AHNAK: variants seen among roughly 807,000 people sequenced by gnomAD.
AHNAK encodes the protein neuroblast differentiation-associated protein AHNAK.
Under a neutral mutation model 37.8 loss-of-function variants are expected in AHNAK, and 23 were observed. That is an observed-to-expected ratio of 0.61 (90% confidence interval 0.44 to 0.86). The LOEUF is 0.86. AHNAK is among the 40% of genes least tolerant of loss of function. The pLI, the probability that AHNAK is intolerant of heterozygous loss-of-function variation, is 0.00. For synonymous variants in AHNAK, 2,481 were observed against 2,636.3 expected (o/e 0.94, Z 1.80); for missense variants, 7,411 against 7,319.4 (o/e 1.01, Z -0.46).
chr11:62,528,785 G>A lies in AHNAK; in HGVS notation c.5632C>T (p.Pro1878Ser), dbSNP rs772195119. ...CCTGTTAAATCTCCCTCCAATTTTGGCACCGACACATCCGCATCCCCTTTG... is the reference window on the plus strand; with the variant it reads ...CCTGTTAAATCTCCCTCCAATTTTGACACCGACACATCCGCATCCCCTTTG... ...KVKGDADVSVPKLEGDLTGPS... is the reference protein window; with the variant it reads ...KVKGDADVSVSKLEGDLTGPS... Residue 1878 changes from proline (P) to serine (S), a missense_variant, in exon 5 of 5, where the codon CCA (proline) becomes TCA (serine). Physicochemically the swap from Pro to Ser is moderately conservative, Grantham distance 74 (BLOSUM62 -1). Coordinates refer to ENST00000378024, the MANE Select transcript of AHNAK (RefSeq NM_001620.3). 7 of 1,609,616 alleles carry A rather than the reference G, an allele frequency of 4.3e-6. No homozygotes were observed. In the South Asian group the frequency reaches 7.7e-5, roughly 18 times the overall value.
At chr11:62,464,268 G>A (rs1006796150) in intron 5 of AHNAK, among the ~76,000 whole-genome samples, 7 of 149,176 alleles carry the variant, frequency 4.7e-5, no homozygotes, top group Non-Finnish European at 1.0e-4. Flanking sequence ...ATGTTGATCC[G>A]GCTGGTCTCA....
chr11:62,480,428 G>A (rs996053476), intron 5 of AHNAK, among the ~76,000 whole-genome samples: 20 of 152,174 alleles, frequency 1.3e-4, no homozygotes, highest in South Asian at 2.1e-4. Context: ...TTGGGAGGCC[G>A]AGGTGGGTGG....
intron 5 of AHNAK, among the ~76,000 whole-genome samples, chr11:62,447,665 C>T (rs1938444824): frequency 7.1e-6 from 1 of 141,214 alleles, no homozygotes; most frequent in Non-Finnish European, 1.6e-5. Flanking sequence ...CCCTCGGTTA[C>T]TGCCTCCTCC....
At chr11:62,495,623 C>T (rs1372712510) in intron 4 of AHNAK, among the ~76,000 whole-genome samples, 1 of 151,152 alleles carries the variant, frequency 6.6e-6, no homozygotes, top group East Asian at 1.9e-4. Flanking sequence ...CCTGTAGTCC[C>T]AGCTACTTGG....
At chr11:62,445,764 TC>T (rs1404503399) in intron 5 of AHNAK, among the ~76,000 whole-genome samples, 1 of 150,144 alleles carries the variant, frequency 6.7e-6, no homozygotes. Flanking sequence ...TGCCTATAAT[TC>T]CAGCACTTTG....
chr11:62,514,712 C>T (rs1367147397), downstream of AHNAK, among the ~76,000 whole-genome samples: 1 of 152,144 alleles, frequency 6.6e-6, no homozygotes, highest in Non-Finnish European at 1.5e-5. Flanking sequence ...AGCATCCTGT[C>T]CAACTCACGA....
Position 62,524,309 on chromosome 11 carries a change from C to T in AHNAK, c.10108G>A (p.Asp3370Asn). Residue 3370 changes from aspartate (D) to asparagine (N), a missense_variant, in exon 5 of 5, where the codon GAT (aspartate) becomes AAT (asparagine). Physicochemically the swap from Asp to Asn is conservative, Grantham distance 23. Coordinates refer to ENST00000378024, the MANE Select transcript of AHNAK (RefSeq NM_001620.3). ...SGSKVQTPEVDVKGKKPDIDI... is the reference protein window; with the variant it reads ...SGSKVQTPEVNVKGKKPDIDI... ...ATATCTGGCTTTTTACCTTTGACAT[C>T]CACTTCAGGTGTCTGAACTTTAGAG... The T allele has an allele frequency of 3.7e-6, 6 of 1,613,896 alleles. No homozygotes were observed. Among genetic ancestry groups the T allele is most frequent in the Non-Finnish European group, 5.1e-6 (6 of 1,179,986 alleles).
At chr11:62,498,672 A>G (rs976829706) in intron 4 of AHNAK, among the ~76,000 whole-genome samples, 1 of 151,832 alleles carries the variant, frequency 6.6e-6, no homozygotes, top group Non-Finnish European at 1.5e-5. Context: ...AGCTACTCAG[A>G]AAGCTGAGGT....
Position 62,527,357 on chromosome 11 carries a change from C to A in AHNAK, c.7060G>T (p.Asp2354Tyr). 6.2e-7 allele frequency: 1 copy of A among 1,614,066 alleles called. No homozygotes were observed. The highest frequency in any genetic ancestry group is 8.5e-7 in the Non-Finnish European group (1 of 1,179,944). ...ACAGCTACTTCTGGCATGTCAGCAT[C>A]TAATTTGGGACCTTTGACATCCAAT... ...PELDVKGPKL[D>Y]ADMPEVAVEG... The change falls in exon 5 of 5, where the codon GAT becomes TAT. Residue 2354 changes from aspartate (D) to tyrosine (Y), a missense_variant. Asp to Tyr is a radical substitution (Grantham distance 160, BLOSUM62 -3). Transcript: ENST00000378024.
At position 62,523,230 on chromosome 11, in the gene AHNAK, C is replaced by T. The variant is rs73500265; in HGVS notation, c.11187G>A (p.Lys3729=). The T allele has an allele frequency of 1.7e-3, 2,751 of 1,613,558 alleles. 36 individuals carry two copies. In the African/African-American group the frequency reaches 0.033, roughly 19 times the overall value. ...TCTCTGGTATCTTAAATTTGGGTCCCTTGAATTTACCCTCTGAGCCTTCGA... is the reference window on the plus strand; with the variant it reads ...TCTCTGGTATCTTAAATTTGGGTCCTTTGAATTTACCCTCTGAGCCTTCGA... The part of the protein sequence containing the change: ...INIEGSEGKF[K]GPKFKIPEMH... Residue 3729 remains lysine (K), a synonymous_variant, in exon 5 of 5, where the codon AAG becomes AAA. Coordinates refer to ENST00000378024, the MANE Select transcript of AHNAK (RefSeq NM_001620.3).
rs1222578093 is a variant in AHNAK at position 62,517,328 on chromosome 11, CT to C, written c.17088del (p.Asp5697ThrfsTer11). 3 of 1,614,224 alleles carry C rather than the reference CT, an allele frequency of 1.9e-6. No homozygotes were observed. The highest frequency in any genetic ancestry group is 2.5e-6 in the Non-Finnish European group (3 of 1,180,048). On this transcript the variant is annotated frameshift_variant, in exon 5 of 5. Transcript: ENST00000378024. LOFTEE classifies it high-confidence loss of function. Reference protein sequence around the residue: ...KAEASIQAGAGDGEWEESEVK... With the variant: ...KAEASIQAGAXDGEWEESEVK... Reference sequence around the variant, plus strand: ...ACTTCAGACTCTTCCCACTCGCCGTCTCCAGCACCAGCTTGGATGCTGGCCT... The same window carrying C: ...ACTTCAGACTCTTCCCACTCGCCGTCCCAGCACCAGCTTGGATGCTGGCCT...
rs767813953 is a variant in AHNAK at position 62,516,871 on chromosome 11, T to A, written c.17546A>T (p.Gln5849Leu). The A allele has an allele frequency of 2.5e-6, 4 of 1,614,202 alleles. No homozygotes were observed. Among genetic ancestry groups the A allele is most frequent in the Non-Finnish European group, 3.4e-6 (4 of 1,180,034 alleles). The stretch of plus-strand genomic sequence containing the variant: ...AGAGGCCAGGGACACCCCACTCCCC[T>A]GTAACTTGCCTGTCTCATCATCGCT... Reference protein sequence around the residue: ...TGSDDETGKLQGSGVSLASKK... With the variant: ...TGSDDETGKLLGSGVSLASKK... The change falls in exon 5 of 5, where the codon CAG becomes CTG. Residue 5849 changes from glutamine (Q) to leucine (L), a missense_variant. Coordinates refer to ENST00000378024, the MANE Select transcript of AHNAK (RefSeq NM_001620.3).
chr11:62,482,259 A>G (rs1939291175), intron 5 of AHNAK, among the ~76,000 whole-genome samples: 1 of 152,190 alleles, frequency 6.6e-6, no homozygotes, highest in Non-Finnish European at 1.5e-5. Flanking sequence ...TACTAAAAAT[A>G]CAAAATTTAT....
intron 1 of AHNAK, among the ~76,000 whole-genome samples, chr11:62,540,265 T>A (rs1941081191): frequency 6.6e-6 from 1 of 152,224 alleles, no homozygotes; most frequent in East Asian, 1.9e-4. Flanking sequence ...ATTAAAATTT[T>A]AGCTTTGGCT....
chr11:62,473,728 A>G (rs1939087762), intron 5 of AHNAK, among the ~76,000 whole-genome samples: 2 of 151,488 alleles, frequency 1.3e-5, no homozygotes, highest in African/African-American at 4.9e-5. Flanking sequence ...AACCAGGCTC[A>G]GGTCACGCTA....
intron 5 of AHNAK, among the ~76,000 whole-genome samples, chr11:62,477,548 T>G (rs1939177266): frequency 1.3e-5 from 2 of 152,212 alleles, no homozygotes; most frequent in African/African-American, 2.4e-5. Context: ...CTCACGCCTG[T>G]AATCCCAGCA....
At chr11:62,541,339 G>A (rs1010017392) in intron 1 of AHNAK, among the ~76,000 whole-genome samples, 1 of 152,178 alleles carries the variant, frequency 6.6e-6, no homozygotes, top group Admixed American at 6.5e-5. Flanking sequence ...TGAAACTTCC[G>A]CCCAGCATGG....
Position 62,520,636 on chromosome 11 carries a change from G to A in AHNAK, c.13781C>T (p.Ser4594Phe), listed in dbSNP as rs545438626. 2.5e-6 allele frequency: 4 copies of A among 1,614,116 alleles called. No homozygotes were observed. The highest frequency in any genetic ancestry group is 3.4e-6 in the Non-Finnish European group (4 of 1,180,008). Reference protein sequence around the residue: ...PDLHLKAPKISMPEVDLNLKG... With the variant: ...PDLHLKAPKIFMPEVDLNLKG... ...CAGATTCAGGTCAACTTCAGGCATA[G>A]AGATCTTCGGTGCCTTGAGGTGTAA... Residue 4594 changes from serine (S) to phenylalanine (F), a missense_variant, in exon 5 of 5, where the codon TCT (serine) becomes TTT (phenylalanine). Physicochemically the swap from Ser to Phe is radical, Grantham distance 155. Transcript: ENST00000378024.
chr11:62,525,746 G>A lies in AHNAK; in HGVS notation c.8671C>T (p.His2891Tyr), dbSNP rs376258510. 3.2e-5 allele frequency: 51 copies of A among 1,613,130 alleles called. No homozygotes were observed. Among genetic ancestry groups the A allele is most frequent in the Non-Finnish European group, 7.6e-6 (9 of 1,179,900 alleles). Residue 2891 changes from histidine (H) to tyrosine (Y), a missense_variant, in exon 5 of 5, where the codon CAC (histidine) becomes TAC (tyrosine). Transcript: ENST00000378024. ...ATTTTCATCTTGGGCATCTTCAGGT[G>A]CCAGTCTGGACCCTGAACATTAACA... ...PDVNVQGPDW[H>Y]LKMPKMKMPK... is the part of the protein sequence containing the mutation.
Sources: allele counts gnomAD v4.1 joint callset (sites outside exome capture counted in the v4.1 genomes callset), GRCh38; gene constraint gnomAD v4.1.1; transcripts MANE v1.5; gene names NCBI Gene and HGNC (gene_info 2026-07-23, HGNC 2026-07-21).